The following DLGAP2 variants were observed in gnomAD, a reference collection of about 807,000 sequenced individuals.
DLGAP2 encodes DLG associated protein 2.
DLGAP2 carries 26 observed loss-of-function variants against 100.3 expected under a neutral mutation model. That is an observed-to-expected ratio of 0.26 (90% CI 0.19 to 0.36). DLGAP2 has a LOEUF of 0.36. Ranked by LOEUF, DLGAP2 falls within the 10% of genes least tolerant of loss-of-function variation. The pLI is 1.00. For synonymous variants in DLGAP2, 886 were observed against 630.1 expected (o/e 1.41, Z -6.08); for missense variants, 1,858 against 1,453.2 (o/e 1.28, Z -4.53).
rs574597216 is a variant in DLGAP2, at chr8:1,119,960, A to G, written c.74-138891A>G. ...CCTTTCTGGAAGGCTGCTATAGGAA[A>G]TGGCTAAGATGAAAAGTGGGACTCA... On this transcript the variant is annotated intron_variant, in intron 2 of 14. Coordinates refer to ENST00000637795, the MANE Select transcript of DLGAP2 (RefSeq NM_001346810.2). Among the ~76,000 whole-genome samples the G allele has an allele frequency of 2.0e-5, 3 of 152,350 alleles. No homozygotes were observed. The South Asian group carries it at 6.2e-4, about 32-fold the overall frequency.
rs577172169 is a variant in DLGAP2 at position 1,296,392 on chromosome 8, T to C, written c.106+37509T>C. Among the ~76,000 whole-genome samples, 9 of 152,302 alleles carry C rather than the reference T, an allele frequency of 5.9e-5. No homozygotes were observed. In the South Asian group the frequency reaches 1.9e-3, roughly 32 times the overall value. ...TGGCACGCTGGCTGCATGTGCCTTG[T>C]AACTTCCAAAAACAAAATATGTCAT... On this transcript the variant is annotated intron_variant, in intron 3 of 14. Transcript: ENST00000637795.
chr8:762,236 C>A (rs987649804), intron 1 of DLGAP2, among the ~76,000 whole-genome samples: 1 of 151,736 alleles, frequency 6.6e-6, no homozygotes, highest in African/African-American at 2.4e-5. Context: ...CCCACTCTTA[C>A]CATGAAGTGG....
chr8:1,321,550 T>A (rs117267270), intron 3 of DLGAP2, among the ~76,000 whole-genome samples: 2 of 152,254 alleles, frequency 1.3e-5, no homozygotes, highest in African/African-American at 4.8e-5. Flanking sequence ...GCCTTCTAAG[T>A]CCTGAGCTGA....
chr8:1,127,454 G>A (rs567916363), intron 2 of DLGAP2, among the ~76,000 whole-genome samples: 8 of 152,184 alleles, frequency 5.3e-5, no homozygotes, highest in East Asian at 3.9e-4. Context: ...AGGCCCCTTC[G>A]TGGCCACGTT....
chr8:1,467,740 G>C (rs1364213679), intron 3 of DLGAP2, among the ~76,000 whole-genome samples: 2 of 152,168 alleles, frequency 1.3e-5, no homozygotes, highest in Non-Finnish European at 1.5e-5. Flanking sequence ...GCTCACTGCT[G>C]CCAGTAAGGG....
At chr8:1,439,219 A>C (rs1374575729) in intron 3 of DLGAP2, among the ~76,000 whole-genome samples, 1 of 152,178 alleles carries the variant, frequency 6.6e-6, no homozygotes, top group African/African-American at 2.4e-5. Context: ...CAGAGGCAGG[A>C]GCATGGTCAC....
At chr8:994,540 G>A (rs1337661366) in intron 2 of DLGAP2, among the ~76,000 whole-genome samples, 2 of 152,126 alleles carry the variant, frequency 1.3e-5, no homozygotes, top group South Asian at 2.1e-4. Flanking sequence ...AGTTTTCCAA[G>A]GCTCCAGATC....
chr8:1,229,794 G>A (rs1798496051), intron 2 of DLGAP2, among the ~76,000 whole-genome samples: 1 of 152,144 alleles, frequency 6.6e-6, no homozygotes, highest in African/African-American at 2.4e-5. Flanking sequence ...GTACATTTGG[G>A]GAAAGCTTTA....
chr8:934,548 G>A (rs1799025336), intron 2 of DLGAP2, among the ~76,000 whole-genome samples: 1 of 152,194 alleles, frequency 6.6e-6, no homozygotes, highest in African/African-American at 2.4e-5. Context: ...TGAGTCAGCT[G>A]CGCCTCCCAG....
chr8:1,340,944 G>A (rs1445562040), intron 3 of DLGAP2, among the ~76,000 whole-genome samples: 1 of 152,188 alleles, frequency 6.6e-6, no homozygotes, highest in African/African-American at 2.4e-5. Flanking sequence ...GATATGGATG[G>A]AGCTGGAGGC....
Position 1,424,928 on chromosome 8 carries a change from G to A in DLGAP2, c.107-76438G>A, listed in dbSNP as rs57334501. ...GGCAGAGCTTCAGTTTGGGAAGATCGAGAAGTTCTGGAGATATTGGCAGTG... is the reference window on the plus strand; with the variant it reads ...GGCAGAGCTTCAGTTTGGGAAGATCAAGAAGTTCTGGAGATATTGGCAGTG... On this transcript the variant is annotated intron_variant, in intron 3 of 14. Transcript: ENST00000637795. Among the ~76,000 whole-genome samples the A allele has an allele frequency of 4.0e-3, 611 of 152,312 alleles. 14 individuals carry two copies. In the East Asian group the frequency reaches 0.087, roughly 22 times the overall value.
intron 3 of DLGAP2, chr8:1,300,909 C>T (rs745479692): frequency 2.0e-5 from 3 of 152,280 alleles, no homozygotes; most frequent in African/African-American, 4.8e-5. Context: ...TAGATAAACC[C>T]TACAGCCTGC....
At chr8:1,469,536 C>T (rs1032909653) in intron 3 of DLGAP2, among the ~76,000 whole-genome samples, 1 of 152,176 alleles carries the variant, frequency 6.6e-6, no homozygotes, top group African/African-American at 2.4e-5. Flanking sequence ...TGCTGAGGAC[C>T]TTGCCTGCTC....
At position 1,465,936 on chromosome 8, in the gene DLGAP2, C is replaced by T. The variant is rs565325584; in HGVS notation, c.107-35430C>T. Among the ~76,000 whole-genome samples, 129 of 152,270 alleles carry T rather than the reference C, an allele frequency of 8.5e-4. No individual in the cohort carries two copies. In the Middle Eastern group the frequency reaches 0.027, roughly 32 times the overall value. ...CAGAAAGGCCGGGAAAGGTCCCTGCCTTGGGGAGAGAAAGGAGCAGTGAAC... is the reference window on the plus strand; with the variant it reads ...CAGAAAGGCCGGGAAAGGTCCCTGCTTTGGGGAGAGAAAGGAGCAGTGAAC... On this transcript the variant is annotated intron_variant, in intron 3 of 14. Transcript: ENST00000637795.
intron 1 of DLGAP2, among the ~76,000 whole-genome samples, chr8:886,070 A>G (rs1041361978): frequency 2.0e-5 from 3 of 152,166 alleles, no homozygotes; most frequent in Non-Finnish European, 4.4e-5. Context: ...TACTGCCTCA[A>G]TTTCAGAGCT....
At chr8:764,861 A>G (rs1274155531) in intron 1 of DLGAP2, among the ~76,000 whole-genome samples, 3 of 152,216 alleles carry the variant, frequency 2.0e-5, no homozygotes, top group Non-Finnish European at 4.4e-5. Context: ...AATTTGTACC[A>G]AAATTTACCT....
intron 1 of DLGAP2, among the ~76,000 whole-genome samples, chr8:890,700 C>T (rs796141975): frequency 9.9e-5 from 15 of 152,182 alleles, no homozygotes; most frequent in African/African-American, 3.6e-4. Context: ...TGTCCAGATG[C>T]AGATTCAATG....
chr8:988,129 G>A (rs981407823), intron 2 of DLGAP2, among the ~76,000 whole-genome samples: 4 of 152,072 alleles, frequency 2.6e-5, no homozygotes, highest in South Asian at 2.1e-4. Context: ...TGGTTTTCAC[G>A]TTCTTATAGG....
At chr8:1,088,549 G>C (rs1804053705) in intron 2 of DLGAP2, among the ~76,000 whole-genome samples, 2 of 152,188 alleles carry the variant, frequency 1.3e-5, no homozygotes, top group African/African-American at 4.8e-5. Context: ...GACATGTGGT[G>C]CATCATCAGA....
Sources: allele counts gnomAD v4.1 joint callset (sites outside exome capture counted in the v4.1 genomes callset), GRCh38; gene constraint gnomAD v4.1.1; transcripts MANE v1.5; gene names NCBI Gene and HGNC (gene_info 2026-07-23, HGNC 2026-07-21).